The following CTSC variants were observed in gnomAD, a reference collection of about 807,000 sequenced individuals.
CTSC encodes dipeptidyl peptidase 1.
In CTSC, 37 loss-of-function variants were observed where a neutral mutation model predicts 40.9. The ratio of observed to expected loss-of-function variants is 0.91; its 90% CI spans 0.70 to 1.19. CTSC has a LOEUF of 1.19. Ranked by LOEUF, CTSC falls within the 50% of genes most tolerant of loss-of-function variation. The pLI is 0.00. For synonymous variants in CTSC, 232 were observed against 207.4 expected, an observed-to-expected ratio of 1.12 and a Z score of -1.02; for missense variants, 594 against 567.3, an observed-to-expected ratio of 1.05 and a Z score of -0.48.
chr11:88,333,797 C>T (rs942601842), intron 2 of CTSC, among the ~76,000 whole-genome samples: 3 of 152,192 alleles, frequency 2.0e-5, no homozygotes, highest in African/African-American at 7.2e-5. Flanking sequence ...TGGCCATCAA[C>T]AGCTAGCATG....
In CTSC at chr11:88,330,140, T is replaced by C. The variant is rs1312525820; in HGVS notation, c.318+4797A>G. On this transcript the variant is annotated intron_variant, in intron 2 of 6. Transcript: ENST00000227266. ...CTGTAGATAGTATTGTCTTTTGTTT[T>C]GGCCAGCCCAGTGTTTTAAAGGAAA... Among the ~76,000 whole-genome samples, 5 of 152,224 alleles carry C rather than the reference T, an allele frequency of 3.3e-5. No homozygotes were observed. The East Asian group carries it at 9.6e-4, about 29-fold the overall frequency.
intron 5 of CTSC, among the ~76,000 whole-genome samples, chr11:88,299,916 C>T (rs770892269): frequency 2.2e-4 from 33 of 152,138 alleles, no homozygotes; most frequent in Non-Finnish European, 3.5e-4. Context: ...TATCAAACTT[C>T]TGAAAATAAC....
chr11:88,334,047 G>T (rs777479354), intron 2 of CTSC, among the ~76,000 whole-genome samples: 11 of 152,160 alleles, frequency 7.2e-5, no homozygotes, highest in Non-Finnish European at 1.6e-4. Flanking sequence ...GCCTTTGTTG[G>T]TGCTTTGTCT....
intron 6 of CTSC, 27 bp from the exon 7 acceptor site, chr11:88,294,535 C>A (rs375577224): frequency 1.2e-6 from 2 of 1,613,388 alleles, no homozygotes; most frequent in South Asian, 2.2e-5. Context: ...CACATGGTTA[C>A]CCCTTAGTAG....
At chr11:88,307,704 G>T (rs1474929829) in intron 4 of CTSC, among the ~76,000 whole-genome samples, 2 of 151,770 alleles carry the variant, frequency 1.3e-5, no homozygotes, top group Non-Finnish European at 2.9e-5. Context: ...GATGAAAAAT[G>T]AAAGTTTTCA....
intron 4 of CTSC, among the ~76,000 whole-genome samples, chr11:88,306,069 T>C (rs960790208): frequency 5.3e-5 from 8 of 152,238 alleles, no homozygotes; most frequent in Admixed American, 3.9e-4. Context: ...GGATATGATA[T>C]GCTCCGTTTT....
At chr11:88,305,042 G>A (rs1420203846) in intron 4 of CTSC, among the ~76,000 whole-genome samples, 1 of 151,246 alleles carries the variant, frequency 6.6e-6, no homozygotes, top group Non-Finnish European at 1.5e-5. Context: ...AGGTTGCAGT[G>A]AGCCAAGATT....
In CTSC at chr11:88,321,852, A is replaced by G. The variant is rs145608112; in HGVS notation, c.319-9298T>C. 1.6e-4 allele frequency: 24 copies of G among 152,304 alleles called. No homozygotes were observed. The East Asian group carries it at 4.2e-3, about 27-fold the overall frequency. The allele number at this position is 152,304 out of a possible 1,614,324, so 9.4% of individuals were successfully genotyped here. A position where few individuals can be genotyped will look rare whatever the true frequency, so the allele number is the denominator to read the frequency against. On this transcript the variant is annotated intron_variant, in intron 2 of 6. Transcript: ENST00000227266. ...GAGGAATCACCACACTGTCTTCCAC[A>G]GTGGTTGAATTAGTTGACATTCCCA...
At chr11:88,312,688 G>T in intron 2 of CTSC, 134 bp from the exon 3 acceptor site, 1 of 962,164 alleles carries the variant, frequency 1.0e-6, no homozygotes, top group Non-Finnish European at 1.6e-6. Context: ...TACACTGTAA[G>T]AATTATTCTA....
chr11:88,331,057 A>G (rs752792499), intron 2 of CTSC, among the ~76,000 whole-genome samples: 1 of 152,170 alleles, frequency 6.6e-6, no homozygotes, highest in Non-Finnish European at 1.5e-5. Context: ...TGGAAAAACT[A>G]CTCAACGTGC....
intron 2 of CTSC, among the ~76,000 whole-genome samples, chr11:88,316,421 A>G (rs974766788): frequency 2.0e-5 from 3 of 152,080 alleles, no homozygotes; most frequent in African/African-American, 7.2e-5. Flanking sequence ...GGTTACAGTG[A>G]GCAATGATCC....
intron 4 of CTSC, among the ~76,000 whole-genome samples, chr11:88,305,583 C>T (rs217122): frequency 0.29 from 43,366 of 152,096 alleles, 7,678 homozygotes; most frequent in East Asian, 0.56. Flanking sequence ...CAAAGACTCC[C>T]TATATCTCAA....
intron 5 of CTSC, chr11:88,299,857 T>G (rs1012998239): frequency 6.6e-6 from 1 of 152,206 alleles, no homozygotes; most frequent in African/African-American, 2.4e-5. Context: ...ACAAGATAAT[T>G]TGCTATCAAG....
intron 4 of CTSC, among the ~76,000 whole-genome samples, chr11:88,307,409 A>AT (rs912899728): frequency 1.4e-4 from 21 of 151,866 alleles, no homozygotes; most frequent in Admixed American, 3.3e-4. Context: ...CAGAAAAATA[A>AT]TTTTTTTTTA....
chr11:88,328,430 G>A (rs1162138102), intron 2 of CTSC, among the ~76,000 whole-genome samples: 1 of 152,114 alleles, frequency 6.6e-6, no homozygotes, highest in Non-Finnish European at 1.5e-5. Flanking sequence ...ATCTCAATAA[G>A]TCTTCTAAAA....
At chr11:88,301,366 G>A (rs1276228722) in intron 4 of CTSC, among the ~76,000 whole-genome samples, 1 of 152,108 alleles carries the variant, frequency 6.6e-6, no homozygotes, top group African/African-American at 2.4e-5. Flanking sequence ...CATACACCAG[G>A]TAACCAATGG....
intron 2 of CTSC, among the ~76,000 whole-genome samples, chr11:88,328,908 A>G (rs1029842862): frequency 5.9e-5 from 9 of 152,250 alleles, no homozygotes; most frequent in Admixed American, 3.3e-4. Context: ...TTGAGTAGCA[A>G]CTTGCTTTAG....
At chr11:88,336,238 TAA>T (rs3079112) in intron 1 of CTSC, among the ~76,000 whole-genome samples, 96,730 of 126,948 alleles carry the variant, frequency 0.76, 36,072 homozygotes, top group East Asian at 0.99. Context: ...AACTCAAATT[TAA>T]AAAAAAAAAA....
Position 88,296,147 on chromosome 11 carries a change from C to T in CTSC, c.875G>A (p.Ser292Asn), listed in dbSNP as rs1473380760. The change falls in exon 6 of 7, where the codon AGC (serine) becomes AAC (asparagine). Residue 292 changes from serine to asparagine, a missense_variant. Ser to Asn is a conservative substitution (Grantham distance 46, BLOSUM62 1). Coordinates refer to ENST00000227266, the MANE Select transcript of CTSC (RefSeq NM_001814.6). ...GCAACACTTACCTTGAGCATACTGG[C>T]TACAAGACACAACCTCCTGAGGGCT... is the stretch of plus-strand genomic sequence containing the variant. ...ILSPQEVVSC[S>N]QYAQGCEGGF... 3 of 1,613,800 alleles carry T rather than the reference C, an allele frequency of 1.9e-6. No homozygotes were observed. Among genetic ancestry groups the T allele is most frequent in the Non-Finnish European group, 2.5e-6 (3 of 1,179,920 alleles).
Sources: gnomAD v4.1 joint callset for allele counts (sites outside exome capture counted in the v4.1 genomes callset) on GRCh38, gnomAD v4.1.1 for gene constraint, MANE v1.5 for transcripts, NCBI Gene and HGNC (gene_info 2026-07-23, HGNC 2026-07-21) for gene names.